Variants in DAPK1 observed in about 807,000 individuals in gnomAD.
DAPK1 encodes the protein death-associated protein kinase 1.
A neutral mutation model predicts 144.9 loss-of-function variants in DAPK1; 56 were observed. That is an observed-to-expected ratio of 0.39 (90% CI 0.31 to 0.48). The LOEUF is 0.48. Ranked by LOEUF, DAPK1 falls within the 20% of genes least tolerant of loss-of-function variation. The pLI, the probability that DAPK1 is intolerant of heterozygous loss-of-function variation, is 0.95. For missense variants in DAPK1, 1,454 were observed against 1,875.4 expected (o/e 0.78, Z 4.15); for synonymous variants, 690 against 749.0 (o/e 0.92, Z 1.29).
intron 2 of DAPK1, among the ~76,000 whole-genome samples, chr9:87,571,855 C>G (rs963112230): frequency 1.3e-5 from 2 of 152,226 alleles, no homozygotes; most frequent in African/African-American, 4.8e-5. Flanking sequence ...TTGGAGGCCT[C>G]TCTCCTTCTG....
chr9:87,502,179 G>T (rs1190192210), intron 2 of DAPK1, among the ~76,000 whole-genome samples: 1 of 152,002 alleles, frequency 6.6e-6, no homozygotes, highest in Non-Finnish European at 1.5e-5. Flanking sequence ...TGGGGAGAAG[G>T]GTTGCTGACA....
rs1825683984 is a variant in DAPK1, at chr9:87,707,476, A to C, written c.*112A>C. The C allele has an allele frequency of 1.4e-6, 1 of 698,664 alleles. No homozygotes were observed. Among genetic ancestry groups the C allele is most frequent in the Admixed American group, 2.8e-5 (1 of 35,132 alleles). The allele number at this position is 698,664 out of a possible 1,614,324, so 43.3% of individuals were successfully genotyped here. A position where few individuals can be genotyped will look rare whatever the true frequency, so the allele number is the denominator to read the frequency against. ...GGTGTTTCTTCCTGCACCCACAGCC[A>C]GGGGGATGCCACTCCTCCCTCCGGC... On this transcript the variant is annotated 3_prime_UTR_variant, in exon 26 of 26. Transcript: ENST00000408954. This position sits in a 1 kb window ranked among gnomAD's most constrained non-coding sequence, Gnocchi z 4.0.
Position 87,708,093 on chromosome 9 carries a change from G to C in DAPK1, c.*729G>C. On this transcript the variant is annotated 3_prime_UTR_variant, in exon 26 of 26. Coordinates refer to ENST00000408954, the MANE Select transcript of DAPK1 (RefSeq NM_004938.4). ...AGGGGAGAAGGGAATCCTCCTCCAG[G>C]GTGATTTTATGATCAGTGTTGTTGC... 3.5e-6 allele frequency: 1 copy of C among 288,250 alleles called. No homozygotes were observed. The highest frequency in any genetic ancestry group is 9.3e-5 in the East Asian group (1 of 10,762). The allele number at this position is 288,250 out of a possible 1,614,324, so 17.9% of individuals were successfully genotyped here.
chr9:87,637,441 A>G lies in DAPK1; in HGVS notation c.285-502A>G, dbSNP rs113472677. On this transcript the variant is annotated intron_variant, in intron 3 of 25. Coordinates refer to ENST00000408954, the MANE Select transcript of DAPK1 (RefSeq NM_004938.4). ...TGTTAGTATTTACATACAAACCAAT[A>G]CTAGACAAGAGAGGAAAAAACCCTT... Among the ~76,000 whole-genome samples, 22 of 152,310 alleles carry G rather than the reference A, an allele frequency of 1.4e-4. 1 individual carries two copies. Among genetic ancestry groups the G allele is most frequent in the African/African-American group, 5.3e-4 (22 of 41,572 alleles).
intron 3 of DAPK1, among the ~76,000 whole-genome samples, chr9:87,616,974 G>A (rs900087151): frequency 3.3e-5 from 5 of 152,202 alleles, no homozygotes; most frequent in Non-Finnish European, 5.9e-5. Context: ...ATCTGGAGAG[G>A]CAGGGAGAAA....
At chr9:87,519,775 G>A (rs12375535) in intron 2 of DAPK1, among the ~76,000 whole-genome samples, 54,194 of 152,008 alleles carry the variant, frequency 0.36, 10,680 homozygotes, top group Middle Eastern at 0.52. Flanking sequence ...CAACCTTCTC[G>A]AAAGTGGCAT....
intron 3 of DAPK1, among the ~76,000 whole-genome samples, chr9:87,634,962 C>T (rs542100713): frequency 6.6e-6 from 1 of 152,212 alleles, no homozygotes; most frequent in East Asian, 1.9e-4. Context: ...CACTAAGGGT[C>T]GCTACATGTC....
At chr9:87,534,661 T>TTC (rs1825804248) in intron 2 of DAPK1, among the ~76,000 whole-genome samples, 1 of 151,814 alleles carries the variant, frequency 6.6e-6, no homozygotes, top group Non-Finnish European at 1.5e-5. Flanking sequence ...TTTTTTTTTT[T>TTC]TGATACGGAG....
chr9:87,593,905 A>G (rs747365686), intron 2 of DAPK1, among the ~76,000 whole-genome samples: 40 of 152,194 alleles, frequency 2.6e-4, no homozygotes, highest in Non-Finnish European at 4.9e-4. Flanking sequence ...TGGTGAAGTC[A>G]AAGTGATCAA....
chr9:87,558,291 A>G (rs937251120), intron 2 of DAPK1, among the ~76,000 whole-genome samples: 2 of 152,106 alleles, frequency 1.3e-5, no homozygotes, highest in South Asian at 2.1e-4. Flanking sequence ...CCCAGGAGCT[A>G]TTTACCAAAA....
chr9:87,592,400 C>T (rs1376884042), intron 2 of DAPK1, among the ~76,000 whole-genome samples: 1 of 152,232 alleles, frequency 6.6e-6, no homozygotes, highest in Non-Finnish European at 1.5e-5. Context: ...CAGTGATGAT[C>T]ACTTCATATC....
At chr9:87,665,500 T>C (rs1174560557) in intron 18 of DAPK1, among the ~76,000 whole-genome samples, 1 of 152,236 alleles carries the variant, frequency 6.6e-6, no homozygotes. Flanking sequence ...TTTCAGATCA[T>C]CTTTTCACTG....
chr9:87,559,308 G>A (rs1826825104), intron 2 of DAPK1, among the ~76,000 whole-genome samples: 1 of 151,936 alleles, frequency 6.6e-6, no homozygotes, highest in African/African-American at 2.4e-5. Context: ...GGGTAGGCTA[G>A]GCTAGGGTAG....
At chr9:87,682,561 G>A (rs976132970) in intron 20 of DAPK1, among the ~76,000 whole-genome samples, 4 of 152,156 alleles carry the variant, frequency 2.6e-5, no homozygotes, top group Admixed American at 6.5e-5. Context: ...GGGTAGCTGC[G>A]GAGAGTTGGC....
chr9:87,611,266 A>G (rs1347915116), intron 3 of DAPK1, among the ~76,000 whole-genome samples: 1 of 152,102 alleles, frequency 6.6e-6, no homozygotes, highest in Admixed American at 6.5e-5. Context: ...AGGCTTCCAG[A>G]GTTTTGTATT....
intron 19 of DAPK1, among the ~76,000 whole-genome samples, chr9:87,674,765 C>T (rs540492145): frequency 3.9e-5 from 6 of 152,268 alleles, no homozygotes; most frequent in African/African-American, 4.8e-5. Context: ...CTTCCCAGAC[C>T]GTGAATGGTC....
chr9:87,605,497 C>T (rs1351144749), intron 3 of DAPK1, among the ~76,000 whole-genome samples: 3 of 151,976 alleles, frequency 2.0e-5, no homozygotes, highest in African/African-American at 7.3e-5. Context: ...AAGCTTCAAG[C>T]ATATGTCCTT....
intron 2 of DAPK1, among the ~76,000 whole-genome samples, chr9:87,519,995 G>T (rs4145768): frequency 0.48 from 71,827 of 148,570 alleles, 17,340 homozygotes; most frequent in East Asian, 0.63. Context: ...ACTTTTTTTT[G>T]TTGTTGTTAA....
At chr9:87,514,820 A>G (rs913697818) in intron 2 of DAPK1, among the ~76,000 whole-genome samples, 1 of 152,268 alleles carries the variant, frequency 6.6e-6, no homozygotes, top group Non-Finnish European at 1.5e-5. Flanking sequence ...ATAATTACAA[A>G]TGTCTATGGA....
Sources: allele counts gnomAD v4.1 joint callset (sites outside exome capture counted in the v4.1 genomes callset), GRCh38; gene constraint gnomAD v4.1.1; non-coding constraint Gnocchi (gnomAD v3.1); transcripts MANE v1.5; gene names NCBI Gene and HGNC (gene_info 2026-07-23, HGNC 2026-07-21).